SCHIP1: variants seen among roughly 807,000 people sequenced by gnomAD.
SCHIP1 encodes schwannomin-interacting protein 1.
Under a neutral mutation model 29.7 loss-of-function variants are expected in SCHIP1, and 8 were observed. That is an observed-to-expected ratio of 0.27 (90% CI 0.16 to 0.49). The LOEUF (loss-of-function observed/expected upper bound fraction) is 0.49. SCHIP1 is among the 20% of genes least tolerant of loss of function. The pLI, the probability that SCHIP1 is intolerant of heterozygous loss-of-function variation, is 0.99. For synonymous variants in SCHIP1, 76 were observed against 94.9 expected, an observed-to-expected ratio of 0.80 and a Z score of 1.16; for missense variants, 193 against 294.6, an observed-to-expected ratio of 0.66 and a Z score of 2.52.
chr3:159,635,017 T>C, the SCHIP1 span, among the ~76,000 whole-genome samples: 1 of 152,246 alleles, frequency 6.6e-6, no homozygotes, highest in East Asian at 1.9e-4. Flanking sequence ...GCTTACAACC[T>C]TCGTCTTTGT....
At chr3:159,625,166 G>A in the SCHIP1 span, among the ~76,000 whole-genome samples, 11 of 152,236 alleles carry the variant, frequency 7.2e-5, no homozygotes, top group Non-Finnish European at 1.5e-4. Context: ...TTGGCCCTTG[G>A]AGCTAGAGAA....
the SCHIP1 span, among the ~76,000 whole-genome samples, chr3:159,690,154 T>G: frequency 6.6e-6 from 1 of 152,206 alleles, no homozygotes; most frequent in Non-Finnish European, 1.5e-5. Context: ...TTGTTTGGAA[T>G]AGTTTCAGAA....
the SCHIP1 span, among the ~76,000 whole-genome samples, chr3:159,394,152 G>A: frequency 2.0e-5 from 3 of 149,646 alleles, no homozygotes; most frequent in Non-Finnish European, 3.0e-5. Context: ...TGTGATTTTT[G>A]TACATTGATT....
the SCHIP1 span, chr3:159,768,436 A>T: frequency 1.3e-5 from 2 of 152,124 alleles, no homozygotes; most frequent in African/African-American, 4.8e-5. Context: ...CCTTCCTCTT[A>T]GTTGTGGTGA....
the SCHIP1 span, among the ~76,000 whole-genome samples, chr3:159,634,711 C>T: frequency 1.3e-5 from 2 of 152,200 alleles, no homozygotes; most frequent in Non-Finnish European, 2.9e-5. Context: ...CACTTCTTCC[C>T]TTGCCCAAAG....
At chr3:159,654,858 C>A in the SCHIP1 span, among the ~76,000 whole-genome samples, 1 of 146,418 alleles carries the variant, frequency 6.8e-6, no homozygotes, top group Non-Finnish European at 1.5e-5. Context: ...AATCTGTACA[C>A]ATTCAAAGTG....
the SCHIP1 span, among the ~76,000 whole-genome samples, chr3:159,663,669 A>C: frequency 6.6e-6 from 1 of 152,208 alleles, no homozygotes; most frequent in Admixed American, 6.5e-5. Context: ...GAAAAATGAC[A>C]CATTAATAAC....
the SCHIP1 span, among the ~76,000 whole-genome samples, chr3:159,277,381 TTA>T: frequency 6.6e-6 from 1 of 152,150 alleles, no homozygotes. Flanking sequence ...ACAAATTTGC[TTA>T]TGTTTCATTT....
At chr3:159,699,017 C>T in the SCHIP1 span, among the ~76,000 whole-genome samples, 3 of 152,272 alleles carry the variant, frequency 2.0e-5, no homozygotes, top group South Asian at 2.1e-4. Flanking sequence ...TTTATTACTT[C>T]GTGTAGACTT....
the SCHIP1 span, among the ~76,000 whole-genome samples, chr3:159,596,982 T>TTA: frequency 0.025 from 3,489 of 141,474 alleles, 117 homozygotes; most frequent in African/African-American, 0.082. Flanking sequence ...AAAGCATCTT[T>TTA]AAAAAAAAAA....
At chr3:159,524,941 A>G in the SCHIP1 span, among the ~76,000 whole-genome samples, 1 of 152,052 alleles carries the variant, frequency 6.6e-6, no homozygotes, top group Non-Finnish European at 1.5e-5. Context: ...AGCCACCATC[A>G]TATCTCCTGT....
the SCHIP1 span, among the ~76,000 whole-genome samples, chr3:159,752,887 C>T: frequency 6.6e-6 from 1 of 152,086 alleles, no homozygotes; most frequent in Non-Finnish European, 1.5e-5. Context: ...TCATTTATTC[C>T]CCAGAATTAA....
chr3:159,881,269 A>C (rs989331012), intron 2 of SCHIP1, among the ~76,000 whole-genome samples: 2 of 152,260 alleles, frequency 1.3e-5, no homozygotes, highest in African/African-American at 4.8e-5. Context: ...TGAAACAGAA[A>C]AAGATATAGT....
At chr3:159,778,074 C>T in the SCHIP1 span, among the ~76,000 whole-genome samples, 4 of 152,108 alleles carry the variant, frequency 2.6e-5, no homozygotes, top group African/African-American at 9.7e-5. Context: ...ACCCGCCTCC[C>T]GGGTTCAGGC....
At chr3:159,837,007 A>G (rs145534367), upstream of SCHIP1, among the ~76,000 whole-genome samples, 10 of 152,002 alleles carry the variant, frequency 6.6e-5, no homozygotes, top group East Asian at 1.9e-3. Flanking sequence ...TTTTGACAGG[A>G]TTTGGGATAC....
the SCHIP1 span, among the ~76,000 whole-genome samples, chr3:159,392,183 G>A: frequency 6.6e-6 from 1 of 152,156 alleles, no homozygotes; most frequent in African/African-American, 2.4e-5. Flanking sequence ...CACACAAGCA[G>A]AGTCATTTCT....
intron 1 of SCHIP1, among the ~76,000 whole-genome samples, chr3:159,848,137 A>G (rs550557103): frequency 6.6e-6 from 1 of 152,348 alleles, no homozygotes; most frequent in Non-Finnish European, 1.5e-5. Context: ...CACGTGAGCA[A>G]TGTGCCTTTC....
At chr3:159,679,476 T>C in the SCHIP1 span, among the ~76,000 whole-genome samples, 1 of 152,184 alleles carries the variant, frequency 6.6e-6, no homozygotes, top group Non-Finnish European at 1.5e-5. Flanking sequence ...ACAGGCAACA[T>C]CTAGCTAATT....
At chr3:159,291,772 C>T in the SCHIP1 span, among the ~76,000 whole-genome samples, 6 of 151,996 alleles carry the variant, frequency 3.9e-5, no homozygotes, top group African/African-American at 1.4e-4. Context: ...GGAAATATGG[C>T]AGGTGAAGGA....
Sources: allele counts gnomAD v4.1 joint callset (sites outside exome capture counted in the v4.1 genomes callset), GRCh38; gene constraint gnomAD v4.1.1; transcripts MANE v1.5; gene names NCBI Gene and HGNC (gene_info 2026-07-23, HGNC 2026-07-21).